The following ZC3H12B variants were observed in gnomAD, a reference collection of about 807,000 sequenced individuals.
ZC3H12B encodes probable ribonuclease ZC3H12B.
ZC3H12B carries 7 observed loss-of-function variants against 43.9 expected under a neutral mutation model. That is an observed-to-expected ratio of 0.16 (90% CI 0.09 to 0.30). ZC3H12B has a LOEUF of 0.30. ZC3H12B is among the 10% of genes least tolerant of loss of function. ZC3H12B has a pLI of 1.00. For missense variants in ZC3H12B, 475 were observed against 670.2 expected, an observed-to-expected ratio of 0.71 and a Z score of 3.22; for synonymous variants, 222 against 241.7, an observed-to-expected ratio of 0.92 and a Z score of 0.76.
the ZC3H12B span, among the ~76,000 whole-genome samples, chrX:65,205,387 G>C: frequency 9.0e-6 from 1 of 111,162 alleles, no homozygotes; most frequent in Non-Finnish European, 1.9e-5. Flanking sequence ...CAGTCAAAGG[G>C]CTCCTTGGTA....
At chrX:65,135,750 C>CTTTTTTTTTTTTTTTTTT in the ZC3H12B span, among the ~76,000 whole-genome samples, 1 of 69,889 alleles carries the variant, frequency 1.4e-5, no homozygotes, top group African/African-American at 5.7e-5. Context: ...TGTTTGTTTT[C>CTTTTTTTTTTTTTTTTTT]TTTTTTTTTT....
At chrX:65,222,636 A>G in the ZC3H12B span, among the ~76,000 whole-genome samples, 5 of 103,582 alleles carry the variant, frequency 4.8e-5, no homozygotes, top group African/African-American at 1.4e-4. Flanking sequence ...TAATAATAAT[A>G]ATAATAATAA....
At chrX:65,196,990 G>A in the ZC3H12B span, among the ~76,000 whole-genome samples, 1 of 112,084 alleles carries the variant, frequency 8.9e-6, no homozygotes, top group Admixed American at 9.5e-5. Flanking sequence ...GGCATTAGAA[G>A]CCAAAGCCAA....
chrX:65,060,286 T>C, the ZC3H12B span, among the ~76,000 whole-genome samples: 2 of 112,235 alleles, frequency 1.8e-5, no homozygotes, highest in South Asian at 7.4e-4. Flanking sequence ...CCCTGTTGTG[T>C]TCCAGATCTT....
At chrX:65,459,004 G>A (rs2067684493) in intron 3 of ZC3H12B, among the ~76,000 whole-genome samples, 1 of 23,274 alleles carries the variant, frequency 4.3e-5, no homozygotes, top group Non-Finnish European at 7.3e-5. Flanking sequence ...TCAAATAGAT[G>A]CAATAAAAAA....
the ZC3H12B span, among the ~76,000 whole-genome samples, chrX:65,305,538 C>T: frequency 9.0e-6 from 1 of 111,617 alleles, no homozygotes; most frequent in Non-Finnish European, 1.9e-5. Flanking sequence ...AGCATTTCTC[C>T]CCTTCTCTGC....
the ZC3H12B span, among the ~76,000 whole-genome samples, chrX:65,341,527 C>T: frequency 9.0e-6 from 1 of 111,358 alleles, no homozygotes; most frequent in Non-Finnish European, 1.9e-5. Flanking sequence ...TGAAATCATA[C>T]AAGCCAGAAG....
the ZC3H12B span, among the ~76,000 whole-genome samples, chrX:65,171,991 G>A: frequency 8.9e-6 from 1 of 112,475 alleles, no homozygotes; most frequent in Non-Finnish European, 1.9e-5. Flanking sequence ...TGCACTTCCT[G>A]GGTGAGGCGA....
chrX:65,173,782 G>T, the ZC3H12B span, among the ~76,000 whole-genome samples: 2 of 111,666 alleles, frequency 1.8e-5, no homozygotes, highest in African/African-American at 6.5e-5. Flanking sequence ...CAGCTTGATT[G>T]TGGTGGATAA....
the ZC3H12B span, among the ~76,000 whole-genome samples, chrX:65,206,644 A>C: frequency 1.1e-5 from 1 of 90,270 alleles, no homozygotes; most frequent in Non-Finnish European, 1.9e-5. Context: ...AACACAACAA[A>C]AATAAAATAA....
the ZC3H12B span, among the ~76,000 whole-genome samples, chrX:65,175,951 A>G: frequency 8.9e-6 from 1 of 111,920 alleles, no homozygotes; most frequent in Non-Finnish European, 1.9e-5. Context: ...TTCAAGCACA[A>G]AAGTGGGTGG....
At chrX:65,395,876 G>A (rs1448963468) in intron 2 of ZC3H12B, among the ~76,000 whole-genome samples, 1 of 111,643 alleles carries the variant, frequency 9.0e-6, no homozygotes, top group Non-Finnish European at 1.9e-5. Context: ...CTTGTTATTG[G>A]TCTATTCAGG....
At chrX:65,456,151 C>T (rs1296895203) in intron 3 of ZC3H12B, among the ~76,000 whole-genome samples, 3 of 111,143 alleles carry the variant, frequency 2.7e-5, no homozygotes, top group African/African-American at 9.8e-5. Context: ...TGTAAATGGG[C>T]TAAATGCTCC....
the ZC3H12B span, among the ~76,000 whole-genome samples, chrX:65,293,678 A>T: frequency 2.7e-5 from 3 of 111,008 alleles, no homozygotes; most frequent in African/African-American, 9.8e-5. Flanking sequence ...AATTCTGGAA[A>T]TCAAGGATAC....
the ZC3H12B span, among the ~76,000 whole-genome samples, chrX:65,257,575 C>A: frequency 9.1e-6 from 1 of 110,268 alleles, no homozygotes; most frequent in African/African-American, 3.3e-5. Context: ...ACATTGTGCA[C>A]ATGTACTCTA....
chrX:65,489,539 G>A lies in ZC3H12B; in HGVS notation c.608+130G>A, dbSNP rs1193178348. The A allele has an allele frequency of 9.6e-6, 8 of 829,268 alleles. No homozygotes were observed. The East Asian group carries it at 2.4e-4, about 25-fold the overall frequency. The allele number at this position is 829,268 out of a possible 1,213,427, so 68.3% of individuals were successfully genotyped here. A position where few individuals can be genotyped will look rare whatever the true frequency, so the allele number is the denominator to read the frequency against. On this transcript the variant is annotated intron_variant, in intron 1 of 4. Coordinates refer to ENST00000338957, the Ensembl canonical transcript of ZC3H12B. The stretch of plus-strand genomic sequence containing the variant: ...TGGCGTGTGTTTCTGAAGGTGGCCA[G>A]AGACTAAAATGATCCTGCCCTTGCC...
chrX:65,442,727 G>A (rs1361598954), intron 3 of ZC3H12B, among the ~76,000 whole-genome samples: 3 of 112,135 alleles, frequency 2.7e-5, no homozygotes, highest in Non-Finnish European at 3.8e-5. Context: ...CATTACAAAA[G>A]GAGAACCTGG....
chrX:65,073,199 C>T, the ZC3H12B span, among the ~76,000 whole-genome samples: 13 of 112,776 alleles, frequency 1.2e-4, no homozygotes, highest in African/African-American at 4.2e-4. Flanking sequence ...CACACACACA[C>T]GCATGCATGC....
intron 3 of ZC3H12B, among the ~76,000 whole-genome samples, chrX:65,476,432 C>T (rs1569421358): frequency 9.0e-6 from 1 of 111,216 alleles, no homozygotes; most frequent in African/African-American, 3.3e-5. Flanking sequence ...TTTGAAAGTA[C>T]AGAGATTTAT....
Sources: gnomAD v4.1 joint callset for allele counts (sites outside exome capture counted in the v4.1 genomes callset) on GRCh38, gnomAD v4.1.1 for gene constraint, MANE v1.5 for transcripts, NCBI Gene and HGNC (gene_info 2026-07-23, HGNC 2026-07-21) for gene names.